The following ZNF782 variants were observed in gnomAD, a reference collection of about 807,000 sequenced individuals.
ZNF782 encodes the protein zinc finger protein 782.
In ZNF782, 12 loss-of-function variants were observed where a neutral mutation model predicts 13.0. That is an observed-to-expected ratio of 0.92 (90% CI 0.59 to 1.50). The LOEUF is 1.50. ZNF782 is among the 40% of genes most tolerant of loss of function. ZNF782 has a pLI of 0.00. For missense variants in ZNF782, 770 were observed against 822.9 expected (o/e 0.94, Z 0.79); for synonymous variants, 284 against 283.0 (o/e 1.00, Z -0.04).
intron 1 of ZNF782, among the ~76,000 whole-genome samples, chr9:96,875,019 C>G (rs2118896258): frequency 6.6e-6 from 1 of 152,302 alleles, no homozygotes; most frequent in African/African-American, 2.4e-5. Context: ...CCATTATTTC[C>G]CTGTGTATTT....
intron 4 of ZNF782, among the ~76,000 whole-genome samples, chr9:96,831,316 A>G (rs374275351): frequency 1.4e-4 from 21 of 152,330 alleles, no homozygotes; most frequent in African/African-American, 3.8e-4. Context: ...ACACAGAACT[A>G]TACACTTGTT....
intron 4 of ZNF782, among the ~76,000 whole-genome samples, chr9:96,835,697 G>A (rs1181969930): frequency 6.6e-6 from 1 of 152,196 alleles, no homozygotes; most frequent in Non-Finnish European, 1.5e-5. Flanking sequence ...TCCGTGTAGT[G>A]TTAATTTTGC....
chr9:96,902,389 G>A, the ZNF782 span, among the ~76,000 whole-genome samples: 8 of 124,880 alleles, frequency 6.4e-5, 1 homozygote, highest in Non-Finnish European at 9.0e-5. Context: ...ACGTGAGTGT[G>A]CTCCAGACTG....
chr9:96,871,142 T>A (rs1851821067), intron 1 of ZNF782, among the ~76,000 whole-genome samples: 1 of 152,184 alleles, frequency 6.6e-6, no homozygotes, highest in Admixed American at 6.5e-5. Context: ...TAATAAAAAA[T>A]GATAAAACAT....
At chr9:96,825,421 A>G (rs375154705) in intron 5 of ZNF782, among the ~76,000 whole-genome samples, 1 of 152,152 alleles carries the variant, frequency 6.6e-6, no homozygotes, top group Non-Finnish European at 1.5e-5. Flanking sequence ...TGGATTAAAG[A>G]CTTAAACGTT....
At chr9:96,924,649 C>CT in the ZNF782 span, among the ~76,000 whole-genome samples, 1 of 148,822 alleles carries the variant, frequency 6.7e-6, no homozygotes, top group African/African-American at 2.5e-5. Flanking sequence ...AGGCAACAAG[C>CT]TTCACAACTC....
chr9:96,927,211 G>A, the ZNF782 span, among the ~76,000 whole-genome samples: 1 of 152,228 alleles, frequency 6.6e-6, no homozygotes, highest in African/African-American at 2.4e-5. Flanking sequence ...ACTCCAGCCA[G>A]GATTCACACA....
At chr9:96,925,346 G>C in the ZNF782 span, among the ~76,000 whole-genome samples, 2 of 151,908 alleles carry the variant, frequency 1.3e-5, no homozygotes, top group Non-Finnish European at 2.9e-5. Context: ...TCCTAGAAAC[G>C]AGAGAGTCTG....
At chr9:96,893,260 A>G in the ZNF782 span, 1 of 152,254 alleles carries the variant, frequency 6.6e-6, no homozygotes, top group Non-Finnish European at 1.5e-5. Context: ...AAAGAATTAG[A>G]ACACACAACA....
intron 5 of ZNF782, among the ~76,000 whole-genome samples, chr9:96,825,615 A>G (rs1471755259): frequency 1.3e-5 from 2 of 151,688 alleles, no homozygotes; most frequent in Non-Finnish European, 3.0e-5. Context: ...CAGAGTGAAC[A>G]GACAACCTAC....
chr9:96,929,106 T>G, the ZNF782 span: 1 of 1,610,156 alleles, frequency 6.2e-7, no homozygotes. Context: ...AATTCAAATT[T>G]GAACTGTCCC....
rs569851133 is a variant in ZNF782, at chr9:96,817,584, G to C, written c.*339C>G. ...AATGAGTTTTGATTGTTGGCACAAAGTTTTCACATTTTTATTACTTTCTCA... is the reference window on the plus strand; with the variant it reads ...AATGAGTTTTGATTGTTGGCACAAACTTTTCACATTTTTATTACTTTCTCA... On this transcript the variant is annotated 3_prime_UTR_variant, in exon 6 of 6. Transcript: ENST00000481138. 1.7e-3 allele frequency: 336 copies of C among 199,840 alleles called. No homozygotes were observed. The highest frequency in any genetic ancestry group is 2.8e-3 in the Non-Finnish European group (283 of 100,256). The allele number at this position is 199,840 out of a possible 1,614,324, so 12.4% of individuals were successfully genotyped here.
At chr9:96,924,909 C>T in the ZNF782 span, among the ~76,000 whole-genome samples, 2 of 152,234 alleles carry the variant, frequency 1.3e-5, no homozygotes, top group East Asian at 3.9e-4. Context: ...CCGCTAAGGA[C>T]CGCTCCCGCC....
chr9:96,887,330 G>GGAGGGAGGGAGGGAGGGAGGAAGGAAGA, the ZNF782 span: 10 of 138,106 alleles, frequency 7.2e-5, no homozygotes, highest in African/African-American at 2.8e-4. Context: ...AGGAAGGAAG[G>GGAGGGAGGGAGGGAGGGAGGAAGGAAGA]AAGGAAGGAA....
chr9:96,905,874 G>T, the ZNF782 span, among the ~76,000 whole-genome samples: 103 of 152,116 alleles, frequency 6.8e-4, no homozygotes, highest in African/African-American at 2.4e-3. Context: ...ATGAGCCACC[G>T]TGCCCGGCCT....
intron 5 of ZNF782, among the ~76,000 whole-genome samples, chr9:96,824,564 G>A (rs1449602646): frequency 1.3e-4 from 19 of 149,600 alleles, no homozygotes; most frequent in African/African-American, 2.7e-4. Flanking sequence ...GGGCAATTAG[G>A]CAGGAGAAGG....
chr9:96,836,337 C>T (rs960878967), intron 4 of ZNF782, among the ~76,000 whole-genome samples: 3 of 151,978 alleles, frequency 2.0e-5, no homozygotes, highest in East Asian at 1.9e-4. Context: ...CTCAGCCTCC[C>T]GCGTAGCTGA....
At chr9:96,880,779 C>A in the ZNF782 span, among the ~76,000 whole-genome samples, 1 of 152,118 alleles carries the variant, frequency 6.6e-6, no homozygotes, top group African/African-American at 2.4e-5. Context: ...TTGATATCAG[C>A]ATAATGTTGG....
intron 3 of ZNF782, among the ~76,000 whole-genome samples, chr9:96,846,301 A>G (rs1361371055): frequency 6.6e-6 from 1 of 152,198 alleles, no homozygotes; most frequent in Non-Finnish European, 1.5e-5. Flanking sequence ...AAAGCAAACT[A>G]GGTAGCAATG....
Sources: gnomAD v4.1 joint callset for allele counts (sites outside exome capture counted in the v4.1 genomes callset) on GRCh38, gnomAD v4.1.1 for gene constraint, MANE v1.5 for transcripts, NCBI Gene and HGNC (gene_info 2026-07-23, HGNC 2026-07-21) for gene names.